The following ABCA5 variants were observed in gnomAD, a reference collection of about 807,000 sequenced individuals.
ABCA5 encodes cholesterol transporter ABCA5.
A neutral mutation model predicts 206.0 loss-of-function variants in ABCA5; 163 were observed. The observed-to-expected ratio is 0.79, with a 90% CI of 0.70 to 0.90. ABCA5 has a LOEUF of 0.90. Among genes scored for constraint, ABCA5 ranks in the 40% least tolerant of loss-of-function variants. ABCA5 has a pLI of 0.00. For missense variants in ABCA5, 1,859 were observed against 1,912.9 expected (o/e 0.97, Z 0.53); for synonymous variants, 609 against 613.8 (o/e 0.99, Z 0.11).
intron 24 of ABCA5, among the ~76,000 whole-genome samples, chr17:69,263,045 G>C (rs1405578617): frequency 6.6e-6 from 1 of 152,126 alleles, no homozygotes; most frequent in African/African-American, 2.4e-5. Context: ...CTTTTGAGAA[G>C]TGTCTGTTCA....
chr17:69,254,557 A>C, intron 31 of ABCA5, 67 bp from the exon 32 acceptor site: 1 of 1,315,700 alleles, frequency 7.6e-7, no homozygotes, highest in Non-Finnish European at 1.1e-6. Flanking sequence ...TGGCAAGTAC[A>C]TTAATTAAAA....
chr17:69,315,135 A>C (rs2075803735), intron 1 of ABCA5: 1 of 152,216 alleles, frequency 6.6e-6, no homozygotes, highest in Non-Finnish European at 1.5e-5. Context: ...AGAGCTCAGG[A>C]AAGCACTCTA....
At chr17:69,270,359 T>C (rs553291773) in intron 22 of ABCA5, among the ~76,000 whole-genome samples, 9 of 152,080 alleles carry the variant, frequency 5.9e-5, no homozygotes, top group Non-Finnish European at 1.2e-4. Context: ...TATATTTTAT[T>C]CTATGATCAA....
At chr17:69,274,839 C>CTATTT in intron 19 of ABCA5, among the ~76,000 whole-genome samples, 1 of 85,752 alleles carries the variant, frequency 1.2e-5, no homozygotes, top group Non-Finnish European at 2.2e-5. Context: ...TAACCATTTA[C>CTATTT]TTTTTTTTTT....
intron 28 of ABCA5, among the ~76,000 whole-genome samples, chr17:69,257,753 G>A (rs1045725363): frequency 1.3e-5 from 2 of 151,288 alleles, no homozygotes; most frequent in East Asian, 3.9e-4. Context: ...ATCTAGAAAG[G>A]AAAGAGAAAA....
intron 10 of ABCA5, among the ~76,000 whole-genome samples, chr17:69,296,867 A>G (rs550255929): frequency 6.6e-5 from 10 of 152,320 alleles, no homozygotes; most frequent in African/African-American, 2.4e-4. Context: ...TGAGAGGTTG[A>G]GGCACAAGAA....
chr17:69,287,348 C>T (rs181392616), intron 15 of ABCA5, among the ~76,000 whole-genome samples: 13 of 152,220 alleles, frequency 8.5e-5, no homozygotes, highest in African/African-American at 2.4e-4. Context: ...AGCTTTGTAT[C>T]CTTTTGCTGT....
intron 20 of ABCA5, 79 bp downstream of exon 20, chr17:69,273,880 T>G: frequency 1.5e-6 from 2 of 1,373,858 alleles, no homozygotes; most frequent in South Asian, 1.6e-5. Flanking sequence ...AAATATAGTT[T>G]TAAAATCCAG....
At chr17:69,268,198 A>G (rs817126) in intron 22 of ABCA5, 142 bp from the exon 23 acceptor site, 178,026 of 525,316 alleles carry the variant, frequency 0.34, 32,610 homozygotes, top group East Asian at 0.62. Context: ...CATAGTCTAC[A>G]TGAAAGAATG....
intron 28 of ABCA5, among the ~76,000 whole-genome samples, chr17:69,257,808 G>C (rs2075100669): frequency 6.6e-6 from 1 of 151,978 alleles, no homozygotes; most frequent in Non-Finnish European, 1.5e-5. Context: ...AAGAGAAAAA[G>C]AGAAAAAGAA....
chr17:69,289,320 T>C (rs534748898), intron 13 of ABCA5, 24 bp from the exon 14 acceptor site: 3 of 1,485,192 alleles, frequency 2.0e-6, no homozygotes, highest in Admixed American at 5.0e-5. Context: ...GCATGAACAA[T>C]GTTATTTTAA....
chr17:69,297,120 T>C, intron 10 of ABCA5, 71 bp downstream of exon 10: 1 of 1,399,160 alleles, frequency 7.1e-7, no homozygotes, highest in South Asian at 1.3e-5. Context: ...TTTACATACA[T>C]ATTTAAAGAA....
chr17:69,253,669 T>C lies in ABCA5; in HGVS notation c.4321-2A>G, dbSNP rs1477257341. The stretch of plus-strand genomic sequence containing the variant: ...TAGCATACTTAGAGCAAAACACAAC[T>C]ACATGGAAAGAAAAAGATGGGTGGG... On this transcript the variant is annotated splice_acceptor_variant, in intron 33 of 38. Coordinates refer to ENST00000392676, the MANE Select transcript of ABCA5 (RefSeq NM_172232.4). LOFTEE classifies it high-confidence loss of function. 9 of 1,611,928 alleles carry C rather than the reference T, an allele frequency of 5.6e-6. No individual in the cohort carries two copies. Among genetic ancestry groups the C allele is most frequent in the Non-Finnish European group, 7.6e-6 (9 of 1,178,408 alleles).
At chr17:69,263,716 A>AT (rs1239436337) in intron 24 of ABCA5, among the ~76,000 whole-genome samples, 1 of 15,748 alleles carries the variant, frequency 6.4e-5, no homozygotes, top group Non-Finnish European at 1.5e-4. Context: ...TTTTTTTTTG[A>AT]TAAAAAGTCT....
At position 69,255,809 on chromosome 17, in the gene ABCA5, A is replaced by C. The variant is rs1222849028; in HGVS notation, c.3900T>G (p.Asp1300Glu). ...TTGAAAGAAGAAAATCTTTCTTGTC[A>C]TCATATTCTTTATGCAAATTGCTGA... ...IMVSNLHKEY[D>E]DKKDFLLSRK... Residue 1300 changes from aspartate to glutamate, a missense_variant, in exon 30 of 39, where the codon GAT becomes GAG. Physicochemically the swap from Asp to Glu is conservative, Grantham distance 45. Coordinates refer to ENST00000392676, the MANE Select transcript of ABCA5 (RefSeq NM_172232.4). 1 of 1,592,142 alleles carries C rather than the reference A, an allele frequency of 6.3e-7. No individual in the cohort carries two copies. The highest frequency in any genetic ancestry group is 2.2e-5 in the East Asian group (1 of 44,534).
intron 20 of ABCA5, among the ~76,000 whole-genome samples, chr17:69,271,971 C>T (rs769103274): frequency 1.3e-5 from 2 of 152,154 alleles, no homozygotes; most frequent in Non-Finnish European, 2.9e-5. Context: ...TCTATACCAA[C>T]ATGTCTGCCG....
chr17:69,274,838 ACT>A (rs2075312943), intron 19 of ABCA5, among the ~76,000 whole-genome samples: 1 of 49,690 alleles, frequency 2.0e-5, no homozygotes. Context: ...TTAACCATTT[ACT>A]TTTTTTTTTT....
At chr17:69,314,743 G>A (rs951918459) in intron 1 of ABCA5, 10 of 216,190 alleles carry the variant, frequency 4.6e-5, no homozygotes, top group African/African-American at 2.3e-4. Flanking sequence ...GCTTTGAATT[G>A]AGGAATGGGC....
intron 15 of ABCA5, 127 bp downstream of exon 15, chr17:69,287,486 T>C (rs948944610): frequency 5.3e-6 from 7 of 1,309,740 alleles, no homozygotes; most frequent in Non-Finnish European, 6.1e-6. Flanking sequence ...TTTTAGAACT[T>C]TTTTTGTGAA....
Sources: allele counts gnomAD v4.1 joint callset (sites outside exome capture counted in the v4.1 genomes callset), GRCh38; gene constraint gnomAD v4.1.1; transcripts MANE v1.5; gene names NCBI Gene and HGNC (gene_info 2026-07-23, HGNC 2026-07-21).